The following ASTN2 variants were observed in gnomAD, a reference collection of about 807,000 sequenced individuals.
The protein encoded by ASTN2 is astrotactin 2.
A neutral mutation model predicts 139.8 loss-of-function variants in ASTN2; 54 were observed. The observed-to-expected ratio is 0.39, with a 90% confidence interval of 0.31 to 0.48. The LOEUF (loss-of-function observed/expected upper bound fraction) is 0.48. Ranked by LOEUF, ASTN2 falls within the 20% of genes least tolerant of loss-of-function variation. The pLI, the probability that ASTN2 is intolerant of heterozygous loss-of-function variation, is 0.95. For missense variants in ASTN2, 1,565 were observed against 1,725.1 expected, an observed-to-expected ratio of 0.91 and a Z score of 1.64; for synonymous variants, 756 against 719.5, an observed-to-expected ratio of 1.05 and a Z score of -0.81.
At chr9:116,612,783 G>GA (rs1162532795) in intron 19 of ASTN2, 1 of 151,454 alleles carries the variant, frequency 6.6e-6, no homozygotes, top group African/African-American at 2.4e-5. Context: ...ATCTGAAACT[G>GA]ACACCCTAAC....
chr9:117,154,950 AG>A (rs1830400571), intron 3 of ASTN2, among the ~76,000 whole-genome samples: 1 of 152,062 alleles, frequency 6.6e-6, no homozygotes, highest in South Asian at 2.1e-4. Context: ...CCACAAGCCT[AG>A]GAAGTGAGTG....
intron 1 of ASTN2, among the ~76,000 whole-genome samples, chr9:117,370,434 G>T (rs1829959978): frequency 6.6e-6 from 1 of 152,088 alleles, no homozygotes; most frequent in African/African-American, 2.4e-5. Flanking sequence ...GGAGAAAGAA[G>T]TATCTGAAAA....
chr9:116,942,865 T>G (rs1835280074), intron 10 of ASTN2, among the ~76,000 whole-genome samples: 1 of 152,222 alleles, frequency 6.6e-6, no homozygotes, highest in African/African-American at 2.4e-5. Flanking sequence ...AGTGTGCAGC[T>G]GATGCACATG....
intron 17 of ASTN2, among the ~76,000 whole-genome samples, chr9:116,640,954 G>T: frequency 6.6e-6 from 1 of 152,140 alleles, no homozygotes; most frequent in East Asian, 1.9e-4. Context: ...GGAATGGGTT[G>T]TATTTTGTGG....
At chr9:117,330,527 G>A (rs889023785) in intron 1 of ASTN2, among the ~76,000 whole-genome samples, 7 of 152,080 alleles carry the variant, frequency 4.6e-5, no homozygotes, top group African/African-American at 1.2e-4. Flanking sequence ...CCTCCATCCC[G>A]ACTTCAACAC....
intron 20 of ASTN2, among the ~76,000 whole-genome samples, chr9:116,481,540 T>C (rs910796138): frequency 1.3e-5 from 2 of 152,214 alleles, no homozygotes; most frequent in Non-Finnish European, 2.9e-5. Context: ...ATTCACAAAG[T>C]CTATTGCCTT....
At chr9:116,793,371 A>G (rs2132226412) in intron 13 of ASTN2, among the ~76,000 whole-genome samples, 1 of 152,334 alleles carries the variant, frequency 6.6e-6, no homozygotes, top group Admixed American at 6.5e-5. Flanking sequence ...ACAGCAATGA[A>G]CAACACAGAC....
At chr9:116,684,800 A>G (rs1415894417) in intron 16 of ASTN2, among the ~76,000 whole-genome samples, 1 of 152,184 alleles carries the variant, frequency 6.6e-6, no homozygotes, top group Admixed American at 6.5e-5. Context: ...ACAAAACCCA[A>G]AGTGATGGAC....
intron 19 of ASTN2, among the ~76,000 whole-genome samples, chr9:116,529,209 G>C (rs1851220208): frequency 6.6e-6 from 1 of 152,152 alleles, no homozygotes; most frequent in Admixed American, 6.5e-5. Context: ...GAGCCACAGG[G>C]ATGGAGTACC....
rs920027217 is a variant in ASTN2, at chr9:117,181,202, T to C, written c.1015+33156A>G. On this transcript the variant is annotated intron_variant, in intron 3 of 22. Coordinates refer to ENST00000313400, the MANE Select transcript of ASTN2 (RefSeq NM_001365068.1). ...CCCAGTTGGCTTAATTGGCTGCAGA[T>C]GATCTGGAGTATTTCAATTATTCTT... 5.5e-5 allele frequency: 35 copies of C among 630,778 alleles called. No homozygotes were observed. The Admixed American group carries it at 8.4e-4, about 15-fold the overall frequency. The allele number at this position is 630,778 out of a possible 1,614,324, so 39.1% of individuals were successfully genotyped here.
At chr9:116,463,002 A>G (rs967331308) in intron 20 of ASTN2, among the ~76,000 whole-genome samples, 3 of 152,074 alleles carry the variant, frequency 2.0e-5, no homozygotes, top group Non-Finnish European at 4.4e-5. Context: ...CATCATGGTG[A>G]ATGGCAGCAG....
chr9:117,338,205 A>G (rs1046023349), intron 1 of ASTN2, among the ~76,000 whole-genome samples: 15 of 152,226 alleles, frequency 9.9e-5, no homozygotes, highest in African/African-American at 3.6e-4. Flanking sequence ...CTATTTGTTA[A>G]TTATTATTTT....
intron 19 of ASTN2, chr9:116,612,912 C>CA (rs1450382015): frequency 4.1e-5 from 6 of 147,166 alleles, no homozygotes; most frequent in African/African-American, 1.2e-4. Context: ...AAAAACCCTT[C>CA]AAAAAATCAA....
intron 3 of ASTN2, among the ~76,000 whole-genome samples, chr9:117,189,575 A>G (rs1831294174): frequency 6.6e-6 from 1 of 152,226 alleles, no homozygotes; most frequent in Non-Finnish European, 1.5e-5. Flanking sequence ...CTTGAGTCAA[A>G]ACACTGTGCT....
intron 1 of ASTN2, among the ~76,000 whole-genome samples, chr9:117,374,127 C>A (rs553271910): frequency 6.6e-6 from 1 of 152,008 alleles, no homozygotes; most frequent in Non-Finnish European, 1.5e-5. Flanking sequence ...TTCAATCGTC[C>A]ACTTGTAAGC....
intron 19 of ASTN2, among the ~76,000 whole-genome samples, chr9:116,590,397 G>A (rs1854331667): frequency 6.6e-6 from 1 of 152,230 alleles, no homozygotes; most frequent in Non-Finnish European, 1.5e-5. Context: ...GCTCAGGGCA[G>A]TGCTGACATG....
intron 1 of ASTN2, among the ~76,000 whole-genome samples, chr9:117,319,695 C>A (rs1828264619): frequency 6.6e-6 from 1 of 151,966 alleles, no homozygotes. Flanking sequence ...CTTGGCCTCC[C>A]AACATGCTGG....
chr9:117,139,689 T>C (rs1289442118), intron 4 of ASTN2, among the ~76,000 whole-genome samples: 1 of 152,196 alleles, frequency 6.6e-6, no homozygotes, highest in Non-Finnish European at 1.5e-5. Flanking sequence ...AGACAATCCC[T>C]ACCTTCAAAT....
intron 6 of ASTN2, among the ~76,000 whole-genome samples, chr9:117,018,665 T>C (rs1357901895): frequency 2.0e-5 from 3 of 152,164 alleles, no homozygotes; most frequent in African/African-American, 7.2e-5. Context: ...CAGTTCATCA[T>C]TTGAGTGACC....
Sources: gnomAD v4.1 joint callset for allele counts (sites outside exome capture counted in the v4.1 genomes callset) on GRCh38, gnomAD v4.1.1 for gene constraint, MANE v1.5 for transcripts, NCBI Gene and HGNC (gene_info 2026-07-23, HGNC 2026-07-21) for gene names.